The following TRAPPC12 variants were observed in gnomAD, a reference collection of about 807,000 sequenced individuals.
TRAPPC12 encodes trafficking protein particle complex subunit 12.
In TRAPPC12, 61 loss-of-function variants were observed where a neutral mutation model predicts 69.2. The ratio of observed to expected loss-of-function variants is 0.88; its 90% confidence interval spans 0.72 to 1.09. The LOEUF (loss-of-function observed/expected upper bound fraction) is 1.09. TRAPPC12 is among the 50% of genes least tolerant of loss of function. The probability of loss-of-function intolerance (pLI) is 0.00; values close to 1 mark genes in which losing one functional copy is unlikely to be tolerated. For synonymous variants in TRAPPC12, 469 were observed against 438.9 expected (o/e 1.07, Z -0.86); for missense variants, 1,101 against 1,016.4 (o/e 1.08, Z -1.13).
Position 3,464,657 on chromosome 2 carries a change from C to T in TRAPPC12, c.1678-940C>T, listed in dbSNP as rs1039660431. ...CACACAGCTCGCTCAATAAATGCGGCGATCACTGTCATCCTGGAGAGAGCC... is the reference window on the plus strand; with the variant it reads ...CACACAGCTCGCTCAATAAATGCGGTGATCACTGTCATCCTGGAGAGAGCC... On this transcript the variant is annotated intron_variant, in intron 8 of 11. Coordinates refer to ENST00000324266, the MANE Select transcript of TRAPPC12 (RefSeq NM_016030.6). Among the ~76,000 whole-genome samples the T allele has an allele frequency of 5.9e-5, 9 of 152,234 alleles. No individual in the cohort carries two copies. In the East Asian group the frequency reaches 1.3e-3, roughly 23 times the overall value.
intron 8 of TRAPPC12, chr2:3,462,808 C>G (rs1249428034): frequency 4.6e-6 from 2 of 437,754 alleles, no homozygotes; most frequent in South Asian, 3.2e-5. Context: ...TTGGGCCCCC[C>G]CTCCCCCGGG....
At chr2:3,432,809 A>C (rs188591366) in intron 5 of TRAPPC12, among the ~76,000 whole-genome samples, 1 of 152,352 alleles carries the variant, frequency 6.6e-6, no homozygotes, top group Admixed American at 6.5e-5. Flanking sequence ...GAGAACACCC[A>C]AATGGAGACC....
At chr2:3,429,743 T>A (rs1331673229) in intron 5 of TRAPPC12, among the ~76,000 whole-genome samples, 39 of 152,268 alleles carry the variant, frequency 2.6e-4, no homozygotes, top group Non-Finnish European at 4.4e-5. Flanking sequence ...ACCCACTACT[T>A]CCGTACCTTA....
intron 4 of TRAPPC12, among the ~76,000 whole-genome samples, chr2:3,424,124 C>G (rs908873237): frequency 6.6e-6 from 1 of 152,250 alleles, no homozygotes; most frequent in African/African-American, 2.4e-5. Context: ...TTCATGACAC[C>G]TAGCACAGTG....
intron 2 of TRAPPC12, among the ~76,000 whole-genome samples, chr2:3,391,797 A>C (rs912885625): frequency 6.6e-6 from 1 of 151,308 alleles, no homozygotes; most frequent in African/African-American, 2.4e-5. Context: ...TGTCCCCCCA[A>C]GATGGCTTTC....
At chr2:3,422,681 CCTT>C (rs983771755) in intron 4 of TRAPPC12, among the ~76,000 whole-genome samples, 1 of 152,198 alleles carries the variant, frequency 6.6e-6, no homozygotes, top group Non-Finnish European at 1.5e-5. Context: ...GGCTCCTTCT[CCTT>C]CTTTCTCTTC....
At position 3,396,315 on chromosome 2, in the gene TRAPPC12, G is replaced by A. The variant is rs188581642; in HGVS notation, c.1048-5462G>A. Reference sequence around the variant, plus strand: ...TGACTTGCATAGTTTCTGATGAGAAGTCTGTAGTAATTCTTATCCTCGCTC... The same window carrying A: ...TGACTTGCATAGTTTCTGATGAGAAATCTGTAGTAATTCTTATCCTCGCTC... On this transcript the variant is annotated intron_variant, in intron 2 of 11. Coordinates refer to ENST00000324266, the MANE Select transcript of TRAPPC12 (RefSeq NM_016030.6). Among the ~76,000 whole-genome samples the A allele has an allele frequency of 1.2e-3, 183 of 151,858 alleles. 1 individual carries two copies. Among genetic ancestry groups the A allele is most frequent in the African/African-American group, 4.3e-3 (178 of 41,396 alleles).
At chr2:3,477,583 G>T in intron 9 of TRAPPC12, 112 bp from the exon 10 acceptor site, 2 of 570,780 alleles carry the variant, frequency 3.5e-6, no homozygotes, top group Non-Finnish European at 6.0e-6. Flanking sequence ...GTTTTCCTCT[G>T]CCTGACATAT....
chr2:3,429,131 G>A (rs984555774), intron 5 of TRAPPC12, among the ~76,000 whole-genome samples: 2 of 152,184 alleles, frequency 1.3e-5, no homozygotes, highest in African/African-American at 4.8e-5. Context: ...TCACATTTGT[G>A]TTTAGAAGCC....
chr2:3,444,362 A>G (rs761170145), intron 6 of TRAPPC12, among the ~76,000 whole-genome samples: 2 of 152,270 alleles, frequency 1.3e-5, no homozygotes, highest in African/African-American at 2.4e-5. Flanking sequence ...CTGCAAAGGC[A>G]GAGTCGGAGT....
intron 5 of TRAPPC12, among the ~76,000 whole-genome samples, chr2:3,438,543 A>G (rs1365697446): frequency 1.1e-4 from 1 of 8,994 alleles, no homozygotes; most frequent in Non-Finnish European, 2.1e-4. Context: ...GTTAATCCCC[A>G]CCACCCGTGG....
chr2:3,392,863 C>T (rs1287586012), intron 2 of TRAPPC12, among the ~76,000 whole-genome samples: 3 of 152,272 alleles, frequency 2.0e-5, no homozygotes, highest in Non-Finnish European at 2.9e-5. Context: ...ATCGGGATCT[C>T]AGAGAGATGC....
intron 5 of TRAPPC12, among the ~76,000 whole-genome samples, chr2:3,433,105 C>T (rs1005318759): frequency 6.6e-6 from 1 of 152,130 alleles, no homozygotes; most frequent in African/African-American, 2.4e-5. Flanking sequence ...TTGTTGAGAG[C>T]TGTAAGTGTG....
At chr2:3,448,912 CTG>C (rs1664703036) in intron 6 of TRAPPC12, among the ~76,000 whole-genome samples, 1 of 152,174 alleles carries the variant, frequency 6.6e-6, no homozygotes. Flanking sequence ...TGATTCGAGT[CTG>C]TGTTCAGCAT....
At position 3,478,841 on chromosome 2, in the gene TRAPPC12, T is replaced by TA; in HGVS notation, c.1878-4dup. ...CGCTAACTGCCACCGTTGCTTGTGT[T>TA]ACAGCGCGTTCCTTCACCTCGGGCA... is the stretch of plus-strand genomic sequence containing the variant. On this transcript the variant is annotated splice_polypyrimidine_tract_variant and splice_region_variant and intron_variant, in intron 10 of 11. Coordinates refer to ENST00000324266, the MANE Select transcript of TRAPPC12 (RefSeq NM_016030.6). 1 of 1,614,008 alleles carries TA rather than the reference T, an allele frequency of 6.2e-7. No homozygotes were observed. The highest frequency in any genetic ancestry group is 8.5e-7 in the Non-Finnish European group (1 of 1,179,966).
chr2:3,456,654 C>CT (rs1286993196), intron 6 of TRAPPC12: 2 of 184,308 alleles, frequency 1.1e-5, no homozygotes, highest in East Asian at 3.5e-4. Flanking sequence ...TCCCTGGTCA[C>CT]TGCAGCCTTG....
intron 9 of TRAPPC12, 155 bp downstream of exon 9, chr2:3,465,850 C>T (rs1361855254): frequency 1.6e-6 from 1 of 635,276 alleles, no homozygotes; most frequent in Non-Finnish European, 2.8e-6. Flanking sequence ...TGGGTTCTTT[C>T]CAGGAGTTCT....
chr2:3,393,702 AAAG>A (rs201826569), intron 2 of TRAPPC12, among the ~76,000 whole-genome samples: 210 of 134,106 alleles, frequency 1.6e-3, no homozygotes, highest in Middle Eastern at 8.4e-3. Context: ...AAAAAAAAAA[AAAG>A]AACTGGAAAT....
intron 3 of TRAPPC12, among the ~76,000 whole-genome samples, chr2:3,420,251 G>A (rs192600725): frequency 9.0e-4 from 137 of 152,258 alleles, no homozygotes; most frequent in African/African-American, 3.2e-3. Context: ...GCAGCCCAGG[G>A]ACGGCTGGTG....
Sources: gnomAD v4.1 joint callset for allele counts (sites outside exome capture counted in the v4.1 genomes callset) on GRCh38, gnomAD v4.1.1 for gene constraint, MANE v1.5 for transcripts, NCBI Gene and HGNC (gene_info 2026-07-23, HGNC 2026-07-21) for gene names.